SERTAD4: variants seen among roughly 807,000 people sequenced by gnomAD.
SERTAD4 encodes SERTA domain-containing protein 4.
In SERTAD4, 18 loss-of-function variants were observed where a neutral mutation model predicts 32.9. The ratio of observed to expected loss-of-function variants is 0.55; its 90% confidence interval spans 0.38 to 0.81. The LOEUF (loss-of-function observed/expected upper bound fraction) is 0.81. SERTAD4 is among the 30% of genes least tolerant of loss of function. The probability of loss-of-function intolerance (pLI) is 0.00; values close to 1 mark genes in which losing one functional copy is unlikely to be tolerated. For missense variants in SERTAD4, 383 were observed against 426.0 expected (o/e 0.90, Z 0.89); for synonymous variants, 150 against 156.4 (o/e 0.96, Z 0.30).
In SERTAD4 at chr1:210,232,813, C is replaced by A. The variant is rs1038851215; in HGVS notation, c.-216C>A. The A allele has an allele frequency of 2.0e-5, 3 of 151,112 alleles. No individual in the cohort carries two copies. Among genetic ancestry groups the A allele is most frequent in the Admixed American group, 6.6e-5 (1 of 15,192 alleles). The allele number at this position is 151,112 out of a possible 1,614,324, so 9.4% of individuals were successfully genotyped here. A position where few individuals can be genotyped will look rare whatever the true frequency, so the allele number is the denominator to read the frequency against. ...AGCCGCTCATTACCATAACCGTCTG[C>A]AGCGACGGCGGCGCAGCGCCCCAGT... is the stretch of plus-strand genomic sequence containing the variant. On this transcript the variant is annotated 5_prime_UTR_variant, in exon 1 of 4. Transcript: ENST00000367012.
chr1:210,246,529 T>A (rs1440075135), downstream of SERTAD4: 1 of 977,042 alleles, frequency 1.0e-6, no homozygotes, highest in Middle Eastern at 5.2e-4. Context: ...AAACATGCTG[T>A]TTAAAATAGT....
Position 210,245,599 on chromosome 1 carries a change from A to T in SERTAD4, c.*3262A>T, listed in dbSNP as rs1382944121. On this transcript the variant is annotated 3_prime_UTR_variant, in exon 4 of 4. Coordinates refer to ENST00000367012, the MANE Select transcript of SERTAD4 (RefSeq NM_019605.5). Reference sequence around the variant, plus strand: ...TGGCAATGAATTGAAAATTAGGGGAAAGCATCTTTGGCGTGACCTTTTATT... The same window carrying T: ...TGGCAATGAATTGAAAATTAGGGGATAGCATCTTTGGCGTGACCTTTTATT... 6.1e-6 allele frequency: 1 copy of T among 165,166 alleles called. No homozygotes were observed. Among genetic ancestry groups the T allele is most frequent in the African/African-American group, 2.4e-5 (1 of 41,690 alleles). 10.2% of individuals were successfully genotyped at this position (165,166 alleles called of 1,614,324 possible).
At chr1:210,240,402 A>G (rs2147848329) in intron 3 of SERTAD4, among the ~76,000 whole-genome samples, 1 of 152,232 alleles carries the variant, frequency 6.6e-6, no homozygotes, top group East Asian at 1.9e-4. Context: ...CCCCTCTGCC[A>G]CCTCATCCTT....
chr1:210,241,947 A>C lies in SERTAD4; in HGVS notation c.681A>C (p.Ser227=). ...CTCCCTCCGCCTCTTCTTCCTCCTC[A>C]TCTTCCTCTTCCTCTCCCCCTTTGC... is the stretch of plus-strand genomic sequence containing the variant. ...ASSPSASSSS[S]SSSSSPPLPL... Residue 227 remains serine (S), a synonymous_variant, in exon 4 of 4, where the codon TCA becomes TCC. Coordinates refer to ENST00000367012, the MANE Select transcript of SERTAD4 (RefSeq NM_019605.5). The C allele has an allele frequency of 6.2e-7, 1 of 1,613,722 alleles. No individual in the cohort carries two copies. The highest frequency in any genetic ancestry group is 8.5e-7 in the Non-Finnish European group (1 of 1,179,916).
rs975923329 is a variant in SERTAD4 at position 210,244,345 on chromosome 1, A to G, written c.*2008A>G. 1.3e-5 allele frequency: 2 copies of G among 152,246 alleles called. No homozygotes were observed. Among genetic ancestry groups the G allele is most frequent in the African/African-American group, 2.4e-5 (1 of 41,464 alleles). 9.4% of individuals were successfully genotyped at this position (152,246 alleles called of 1,614,324 possible). A position where few individuals can be genotyped will look rare whatever the true frequency, so the allele number is the denominator to read the frequency against. On this transcript the variant is annotated 3_prime_UTR_variant, in exon 4 of 4. Coordinates refer to ENST00000367012, the MANE Select transcript of SERTAD4 (RefSeq NM_019605.5). ...AGATGATGTGGTGATCAATAAGGTT[A>G]TGTCTGAAAGAATGTAAAGATTTTC...
At chr1:210,238,227 C>T in intron 2 of SERTAD4, 92 bp downstream of exon 2, 1 of 784,964 alleles carries the variant, frequency 1.3e-6, no homozygotes. Context: ...GGGTGCCCCT[C>T]TGAGCCAGGA....
At position 210,242,167 on chromosome 1, in the gene SERTAD4, C is replaced by T. The variant is rs771916248; in HGVS notation, c.901C>T (p.Pro301Ser). The T allele has an allele frequency of 6.6e-5, 107 of 1,614,014 alleles. No homozygotes were observed. Among genetic ancestry groups the T allele is most frequent in the Non-Finnish European group, 9.1e-5 (107 of 1,180,038 alleles). Residue 301 changes from proline to serine, a missense_variant, in exon 4 of 4, where the codon CCT (proline) becomes TCT (serine). By Grantham distance (74) the Pro-to-Ser change is moderately conservative. Around this residue, in one of 3 missense-constraint regions of SERTAD4, gnomAD observed 180 missense variants for 190.6 expected, o/e 0.94. Transcript: ENST00000367012. The surrounding 1 kb of genome is among the most constrained non-coding windows in gnomAD (Gnocchi z 4.0). ...NRDGGPLSHEPVGNDLAFECK... is the reference protein window; with the variant it reads ...NRDGGPLSHESVGNDLAFECK... ...AGATGGTGGCCCCCTCAGCCACGAA[C>T]CTGTGGGAAATGACCTTGCTTTTGA...
intron 3 of SERTAD4, among the ~76,000 whole-genome samples, chr1:210,240,981 C>T (rs1025690875): frequency 1.3e-5 from 2 of 152,020 alleles, no homozygotes; most frequent in African/African-American, 4.8e-5. Flanking sequence ...TATTGATGTA[C>T]AATATATGAG....
At chr1:210,237,326 GTCTC>G (rs1159464885) in intron 1 of SERTAD4, 1 of 152,810 alleles carries the variant, frequency 6.5e-6, no homozygotes, top group African/African-American at 2.4e-5. Flanking sequence ...ACTACCAAGT[GTCTC>G]TCTGTCTGCT....
At chr1:210,238,826 T>C (rs1167489073) in intron 2 of SERTAD4, among the ~76,000 whole-genome samples, 1 of 152,200 alleles carries the variant, frequency 6.6e-6, no homozygotes, top group Admixed American at 6.5e-5. Context: ...TTTTGCAGTA[T>C]TAGCTATTTT....
In SERTAD4 at chr1:210,236,825, C is replaced by T. The variant is rs1208770972; in HGVS notation, c.-17-1119C>T. On this transcript the variant is annotated intron_variant, in intron 1 of 3. Transcript: ENST00000367012. ...GGCAGTTAAGGAGGCACTGAGGTTG[C>T]GCTACTGTCACCACTGGTCTATGGC... 2.6e-5 allele frequency among the ~76,000 whole-genome samples: 4 copies of T among 152,302 alleles called. 1 individual carries two copies. Among genetic ancestry groups the T allele is most frequent in the Non-Finnish European group, 5.9e-5 (4 of 68,010 alleles).
intron 1 of SERTAD4, chr1:210,233,904 C>A (rs774169773): frequency 9.0e-6 from 4 of 444,690 alleles, no homozygotes; most frequent in South Asian, 5.0e-5. Context: ...GGGCCAGCCC[C>A]GCCAGAGCCC....
intron 3 of SERTAD4, 24 bp from the exon 4 acceptor site, chr1:210,241,534 C>CTTTTTTTTTTTTTTTTTTTTT: frequency 1.8e-6 from 2 of 1,110,534 alleles, no homozygotes; most frequent in South Asian, 2.2e-5. Flanking sequence ...TTGTTTTTTT[C>CTTTTTTTTTTTTTTTTTTTTT]TTTTTTTTTT....
At chr1:210,246,449 C>A, downstream of SERTAD4, 1 of 466,322 alleles carries the variant, frequency 2.1e-6, no homozygotes, top group Non-Finnish European at 2.8e-6. Flanking sequence ...AAAGCACTTG[C>A]AAAGATGTAA....
chr1:210,237,279 C>T (rs185086837), intron 1 of SERTAD4: 1 of 152,352 alleles, frequency 6.6e-6, no homozygotes, highest in East Asian at 1.9e-4. Flanking sequence ...TGACTGGAGG[C>T]AGATCCAGTT....
intron 2 of SERTAD4, 82 bp downstream of exon 2, chr1:210,238,217 G>A: frequency 1.1e-6 from 1 of 876,756 alleles, no homozygotes; most frequent in Non-Finnish European, 1.8e-6. Flanking sequence ...GTGGTGTCTG[G>A]GGTGCCCCTC....
chr1:210,240,223 G>T, intron 3 of SERTAD4, among the ~76,000 whole-genome samples: 1 of 151,838 alleles, frequency 6.6e-6, no homozygotes, highest in Non-Finnish European at 1.5e-5. Context: ...ATAGAATTAT[G>T]AATCTGGGCA....
intron 1 of SERTAD4, among the ~76,000 whole-genome samples, chr1:210,233,467 CAGGT>C (rs1399829742): frequency 1.3e-5 from 2 of 152,168 alleles, no homozygotes; most frequent in Non-Finnish European, 2.9e-5. Flanking sequence ...CGGCGCTTGG[CAGGT>C]GGGGAGAGAG....
Position 210,242,731 on chromosome 1 carries a change from A to G in SERTAD4, c.*394A>G. On this transcript the variant is annotated 3_prime_UTR_variant, in exon 4 of 4. Transcript: ENST00000367012. This position sits in a 1 kb window ranked among gnomAD's most constrained non-coding sequence, Gnocchi z 4.0. ...GGAGTTATTTGGTAAGCAAATCAAT[A>G]TAACCAGCAAAGATACCTGCTTCTT... The G allele has an allele frequency of 2.0e-6, 2 of 1,001,392 alleles. No individual in the cohort carries two copies. Among genetic ancestry groups the G allele is most frequent in the South Asian group, 4.6e-5 (1 of 21,642 alleles). 62.0% of individuals were successfully genotyped at this position (1,001,392 alleles called of 1,614,324 possible).
Sources: gnomAD v4.1 joint callset for allele counts (sites outside exome capture counted in the v4.1 genomes callset) on GRCh38, gnomAD v4.1.1 for gene constraint, gnomAD v4.1.1 regional missense constraint, Gnocchi (gnomAD v3.1) non-coding constraint, MANE v1.5 for transcripts, NCBI Gene and HGNC (gene_info 2026-07-23, HGNC 2026-07-21) for gene names.